ATP8A2: variants seen among roughly 807,000 people sequenced by gnomAD.
ATP8A2 encodes ATPase phospholipid transporting 8A2.
A neutral mutation model predicts 165.6 loss-of-function variants in ATP8A2; 100 were observed. The observed-to-expected ratio is 0.60, with a 90% CI of 0.51 to 0.71. The LOEUF (loss-of-function observed/expected upper bound fraction) is 0.71. Among genes scored for constraint, ATP8A2 ranks in the 30% least tolerant of loss-of-function variants. The pLI is 0.00. For synonymous variants in ATP8A2, 543 were observed against 548.8 expected, an observed-to-expected ratio of 0.99 and a Z score of 0.15; for missense variants, 1,227 against 1,479.5, an observed-to-expected ratio of 0.83 and a Z score of 2.80.
chr13:25,442,088 T>C (rs2034946526), intron 1 of ATP8A2, among the ~76,000 whole-genome samples: 1 of 152,252 alleles, frequency 6.6e-6, no homozygotes, highest in South Asian at 2.1e-4. Flanking sequence ...TAAGGTTGAA[T>C]AATGTTTCAT....
chr13:25,827,108 T>G (rs1368893888), intron 27 of ATP8A2, among the ~76,000 whole-genome samples: 2 of 152,136 alleles, frequency 1.3e-5, no homozygotes, highest in Non-Finnish European at 2.9e-5. Flanking sequence ...TGTTTGTTTG[T>G]TTTGGTTTTT....
At chr13:25,383,123 A>G (rs1278764883) in intron 1 of ATP8A2, among the ~76,000 whole-genome samples, 5 of 145,192 alleles carry the variant, frequency 3.4e-5, no homozygotes, top group East Asian at 4.3e-4. Flanking sequence ...TCAGCTCACT[A>G]CAACCTCCTC....
rs965717403 is a variant in ATP8A2 at position 25,663,366 on chromosome 13, A to T, written c.2212-35807A>T. Among the ~76,000 whole-genome samples the T allele has an allele frequency of 5.9e-5, 9 of 152,056 alleles. No individual in the cohort carries two copies. The East Asian group carries it at 7.7e-4, about 13-fold the overall frequency. On this transcript the variant is annotated intron_variant, in intron 24 of 36. Coordinates refer to ENST00000381655, the MANE Select transcript of ATP8A2 (RefSeq NM_016529.6). Reference sequence around the variant, plus strand: ...CAGTTTGAATTGAACTTTTTCTTCGATTGCTGGGCAAATCTCATTTATGAG... The same window carrying T: ...CAGTTTGAATTGAACTTTTTCTTCGTTTGCTGGGCAAATCTCATTTATGAG...
chr13:25,656,920 G>A (rs745373753), intron 24 of ATP8A2, among the ~76,000 whole-genome samples: 2 of 151,316 alleles, frequency 1.3e-5, no homozygotes, highest in Non-Finnish European at 2.9e-5. Flanking sequence ...GGGCATGGTG[G>A]TGCATGCCTG....
chr13:25,877,236 T>C (rs9796216), intron 33 of ATP8A2, among the ~76,000 whole-genome samples: 10 of 152,258 alleles, frequency 6.6e-5, no homozygotes, highest in African/African-American at 9.6e-5. Context: ...CCCCAAAAAC[T>C]TTTTTTAAAA....
intron 24 of ATP8A2, among the ~76,000 whole-genome samples, chr13:25,633,919 C>A (rs142295829): frequency 6.6e-6 from 1 of 150,574 alleles, no homozygotes. Flanking sequence ...GAGGCTGCAG[C>A]GAGGCAAGAT....
At chr13:25,939,427 G>A (rs181447794) in intron 33 of ATP8A2, among the ~76,000 whole-genome samples, 9 of 152,270 alleles carry the variant, frequency 5.9e-5, no homozygotes, top group Admixed American at 3.9e-4. Flanking sequence ...GGACCAGGAC[G>A]GAGGAGTCCG....
At chr13:25,687,376 A>G (rs1300294482) in intron 24 of ATP8A2, among the ~76,000 whole-genome samples, 1 of 152,208 alleles carries the variant, frequency 6.6e-6, no homozygotes, top group Admixed American at 6.5e-5. Context: ...TTCATTTGAA[A>G]TTTACAGACA....
chr13:25,632,826 G>A (rs1313852134), intron 24 of ATP8A2, among the ~76,000 whole-genome samples: 2 of 152,118 alleles, frequency 1.3e-5, no homozygotes, highest in Non-Finnish European at 2.9e-5. Flanking sequence ...CAGCTTAGCC[G>A]GGAAGCTGCC....
intron 2 of ATP8A2, among the ~76,000 whole-genome samples, chr13:25,469,839 A>C (rs2035793026): frequency 6.6e-6 from 1 of 152,110 alleles, no homozygotes; most frequent in Non-Finnish European, 1.5e-5. Flanking sequence ...CTAAGGATAA[A>C]ATTTTTTCTG....
intron 33 of ATP8A2, among the ~76,000 whole-genome samples, chr13:25,898,069 T>G (rs1002961149): frequency 6.6e-6 from 1 of 152,244 alleles, no homozygotes; most frequent in African/African-American, 2.4e-5. Flanking sequence ...TTTGTTCTGT[T>G]GCTGGTGAGG....
intron 33 of ATP8A2, among the ~76,000 whole-genome samples, chr13:25,929,634 G>A (rs1344735884): frequency 5.9e-5 from 9 of 152,124 alleles, no homozygotes; most frequent in Non-Finnish European, 1.3e-4. Flanking sequence ...CGAGATGGGA[G>A]GATCCCTTGA....
At chr13:25,755,717 C>T (rs567200598) in intron 25 of ATP8A2, among the ~76,000 whole-genome samples, 91 of 152,130 alleles carry the variant, frequency 6.0e-4, no homozygotes, top group South Asian at 5.2e-3. Flanking sequence ...CCAGCCTGGC[C>T]AACATGGTGA....
At chr13:25,429,509 G>A (rs1177284308) in intron 1 of ATP8A2, among the ~76,000 whole-genome samples, 3 of 152,104 alleles carry the variant, frequency 2.0e-5, no homozygotes, top group Non-Finnish European at 2.9e-5. Flanking sequence ...GGTGGGTGGA[G>A]TGGAATAGTT....
At chr13:25,394,726 T>C (rs2033363056) in intron 1 of ATP8A2, among the ~76,000 whole-genome samples, 2 of 152,212 alleles carry the variant, frequency 1.3e-5, no homozygotes, top group South Asian at 4.1e-4. Context: ...AAAGGCTTAC[T>C]GTCCTTCCCC....
chr13:25,998,053 G>A (rs1301560569), intron 35 of ATP8A2, among the ~76,000 whole-genome samples: 2 of 152,170 alleles, frequency 1.3e-5, no homozygotes, highest in African/African-American at 4.8e-5. Context: ...TGGCAGCCTG[G>A]CTCCTGCCGG....
chr13:26,001,308 A>G (rs1956627517), intron 35 of ATP8A2, among the ~76,000 whole-genome samples: 1 of 152,114 alleles, frequency 6.6e-6, no homozygotes, highest in African/African-American at 2.4e-5. Flanking sequence ...GGTCGTTTCT[A>G]CTTTTGGCTT....
chr13:25,929,901 T>G, intron 33 of ATP8A2, among the ~76,000 whole-genome samples: 1 of 152,162 alleles, frequency 6.6e-6, no homozygotes, highest in East Asian at 1.9e-4. Flanking sequence ...CCCCATGGGC[T>G]TTTCCCTAAT....
chr13:25,744,521 A>G (rs2043987531), intron 25 of ATP8A2, among the ~76,000 whole-genome samples: 1 of 152,190 alleles, frequency 6.6e-6, no homozygotes. Context: ...TTTTATACAG[A>G]TTGTTCTGTA....
Sources: allele counts gnomAD v4.1 joint callset (sites outside exome capture counted in the v4.1 genomes callset), GRCh38; gene constraint gnomAD v4.1.1; transcripts MANE v1.5; gene names NCBI Gene and HGNC (gene_info 2026-07-23, HGNC 2026-07-21).